LCP2: variants seen among roughly 807,000 people sequenced by gnomAD.
The protein encoded by LCP2 is lymphocyte cytosolic protein 2, also known as 76 kDa tyrosine phosphoprotein.
A neutral mutation model predicts 74.5 loss-of-function variants in LCP2; 29 were observed. The ratio of observed to expected loss-of-function variants is 0.39; its 90% CI spans 0.29 to 0.53. The LOEUF (loss-of-function observed/expected upper bound fraction) is 0.53. LCP2 is among the 20% of genes least tolerant of loss of function. The probability of loss-of-function intolerance (pLI) is 0.72; values close to 1 mark genes in which losing one functional copy is unlikely to be tolerated. For synonymous variants in LCP2, 228 were observed against 229.5 expected, an observed-to-expected ratio of 0.99 and a Z score of 0.06; for missense variants, 604 against 634.6, an observed-to-expected ratio of 0.95 and a Z score of 0.52.
In LCP2 at chr5:170,283,645, G is replaced by C. The variant is rs548818559; in HGVS notation, c.188+4325C>G. On this transcript the variant is annotated intron_variant, in intron 3 of 20. Coordinates refer to ENST00000046794, the MANE Select transcript of LCP2 (RefSeq NM_005565.5). ...ATGCTCACTTCACTAACACTCTCTG[G>C]CTCCTGAGAATGGCTCACGGGACCT... is the stretch of plus-strand genomic sequence containing the variant. 1.1e-4 allele frequency among the ~76,000 whole-genome samples: 17 copies of C among 152,188 alleles called. No individual in the cohort carries two copies. In the South Asian group the frequency reaches 3.3e-3, roughly 30 times the overall value.
Position 170,250,901 on chromosome 5 carries a change from C to G in LCP2, c.1324-16G>C. The G allele has an allele frequency of 6.2e-7, 1 of 1,610,870 alleles. No individual in the cohort carries two copies. Among genetic ancestry groups the G allele is most frequent in the Middle Eastern group, 1.7e-4 (1 of 6,002 alleles). Reference sequence around the variant, plus strand: ...ATGTGCCATCCTAAAAAGACAAATTCCTGTTATTATGGGAGCAGTAAAAGT... The same window carrying G: ...ATGTGCCATCCTAAAAAGACAAATTGCTGTTATTATGGGAGCAGTAAAAGT... On this transcript the variant is annotated splice_polypyrimidine_tract_variant and intron_variant, in intron 19 of 20. Transcript: ENST00000046794.
intron 17 of LCP2, among the ~76,000 whole-genome samples, chr5:170,255,267 C>A (rs746414234): frequency 2.0e-5 from 3 of 152,160 alleles, no homozygotes; most frequent in Non-Finnish European, 1.5e-5. Context: ...GTGCCACTGG[C>A]GTCAGCAGTG....
rs1761556311 is a variant in LCP2 at position 170,256,602 on chromosome 5, T to G, written c.1101-27A>C. ...TGAGGAGACAGAAAAAGAACAAAAT[T>G]TATTTGGATTGGGGTGATGGGGCCA... On this transcript the variant is annotated intron_variant, in intron 16 of 20. Coordinates refer to ENST00000046794, the MANE Select transcript of LCP2 (RefSeq NM_005565.5). The surrounding 1 kb of genome is among the most constrained non-coding windows in gnomAD (Gnocchi z 4.5). 6.4e-7 allele frequency: 1 copy of G among 1,570,036 alleles called. No individual in the cohort carries two copies. The highest frequency in any genetic ancestry group is 1.7e-5 in the Admixed American group (1 of 59,882).
rs1761913313 is a variant in LCP2, at chr5:170,272,592, A to ATTTTC, written c.325-1680_325-1676dup. 1.2e-4 allele frequency among the ~76,000 whole-genome samples: 4 copies of ATTTTC among 34,332 alleles called. 1 individual carries two copies. The highest frequency in any genetic ancestry group is 1.9e-3 in the South Asian group (2 of 1,062). 22.5% of individuals were successfully genotyped at this position (34,332 alleles called of 152,430 possible). A position where few individuals can be genotyped will look rare whatever the true frequency, so the allele number is the denominator to read the frequency against. On this transcript the variant is annotated intron_variant, in intron 6 of 20. Transcript: ENST00000046794. ...CGGTTATAACTGTAACCCATCAAAT[A>ATTTTC]TTTTCTTTTTTTTTTTTTTTTTTTT...
At chr5:170,285,697 G>A (rs1377677021) in intron 3 of LCP2, among the ~76,000 whole-genome samples, 1 of 152,198 alleles carries the variant, frequency 6.6e-6, no homozygotes, top group East Asian at 1.9e-4. Context: ...TTCCAGCCCT[G>A]TGAGTGGCTA....
intron 6 of LCP2, among the ~76,000 whole-genome samples, chr5:170,271,596 GCTT>G (rs916907776): frequency 6.6e-6 from 1 of 151,904 alleles, no homozygotes; most frequent in African/African-American, 2.4e-5. Context: ...TTTTATTTTT[GCTT>G]CTTCTTGGAT....
chr5:170,267,362 G>A, intron 8 of LCP2: 2 of 501,940 alleles, frequency 4.0e-6, no homozygotes, highest in South Asian at 4.6e-5. Context: ...TGTCCTGCGA[G>A]GCCCTGCCTG....
intron 3 of LCP2, among the ~76,000 whole-genome samples, chr5:170,284,195 T>C (rs1002547197): frequency 3.3e-5 from 5 of 152,210 alleles, no homozygotes; most frequent in Non-Finnish European, 7.3e-5. Context: ...GCCACGTACA[T>C]ACACAGACCT....
At chr5:170,291,144 AAGGGGAGAGGGGAGGACAAG>A (rs1288388373) in intron 2 of LCP2, among the ~76,000 whole-genome samples, 2 of 146,368 alleles carry the variant, frequency 1.4e-5, no homozygotes, top group African/African-American at 5.1e-5. Context: ...AGGACAAGGG[AAGGGGAGAGGGGAGGACAAG>A]GGAAGGGAGG....
rs1761817810 is a variant in LCP2 at position 170,268,606 on chromosome 5, G to GA, written c.524-125_524-124insT. 3.8e-5 allele frequency: 6 copies of GA among 157,978 alleles called. No individual in the cohort carries two copies. The South Asian group carries it at 6.1e-4, about 16-fold the overall frequency. The allele number at this position is 157,978 out of a possible 1,614,324, so 9.8% of individuals were successfully genotyped here. On this transcript the variant is annotated intron_variant, in intron 7 of 20. Transcript: ENST00000046794. ...ATCCTTGACCCCCAGGCCCACATGA[G>GA]CCCCAGCCACGGGGAGACCCAGCCT...
intron 6 of LCP2, among the ~76,000 whole-genome samples, chr5:170,271,281 C>G (rs1326764649): frequency 6.6e-6 from 1 of 152,170 alleles, no homozygotes; most frequent in African/African-American, 2.4e-5. Flanking sequence ...AGACTAAAGG[C>G]CTGGAGCATT....
At chr5:170,269,340 C>T (rs140179367) in intron 7 of LCP2, among the ~76,000 whole-genome samples, 10 of 152,334 alleles carry the variant, frequency 6.6e-5, no homozygotes, top group Middle Eastern at 3.4e-3. Flanking sequence ...GGCCTCCTTA[C>T]GCTTTGTGCC....
chr5:170,271,731 A>T (rs1451564972), intron 6 of LCP2, among the ~76,000 whole-genome samples: 2 of 152,168 alleles, frequency 1.3e-5, no homozygotes, highest in East Asian at 3.9e-4. Flanking sequence ...ATGAGCGCTC[A>T]TCATGGTCAT....
chr5:170,268,721 A>T (rs978291095), intron 7 of LCP2, among the ~76,000 whole-genome samples: 1 of 151,770 alleles, frequency 6.6e-6, no homozygotes, highest in African/African-American at 2.4e-5. Context: ...TGCATTTCAC[A>T]GGAATAGGTA....
intron 7 of LCP2, among the ~76,000 whole-genome samples, chr5:170,270,004 G>A (rs1407429440): frequency 6.6e-6 from 1 of 152,158 alleles, no homozygotes; most frequent in Non-Finnish European, 1.5e-5. Context: ...GTTTTTTGTG[G>A]TACTGACCTT....
At position 170,262,656 on chromosome 5, in the gene LCP2, C is replaced by T. The variant is rs762862977; in HGVS notation, c.905G>A (p.Gly302Glu). 1 of 1,613,720 alleles carries T rather than the reference C, an allele frequency of 6.2e-7. No homozygotes were observed. The change falls in exon 13 of 21, where the codon GGG (glycine) becomes GAG (glutamate). Residue 302 changes from glycine (G) to glutamate (E), a missense_variant. Physicochemically the swap from Gly to Glu is moderately conservative, Grantham distance 98 (BLOSUM62 -2). Coordinates refer to ENST00000046794, the MANE Select transcript of LCP2 (RefSeq NM_005565.5). ...ERHERSSPLP[G>E]KKPPVPKHGW... ...TTACTTTGGCACAGGTGGCTTCTTC[C>T]CTGGCAGGGGGCTGCTCCTTTCATG...
At chr5:170,274,580 G>A (rs1761973367) in intron 5 of LCP2, among the ~76,000 whole-genome samples, 1 of 152,172 alleles carries the variant, frequency 6.6e-6, no homozygotes, top group African/African-American at 2.4e-5. Context: ...GTGTGTAACA[G>A]TGACTTAGGA....
intron 3 of LCP2, among the ~76,000 whole-genome samples, chr5:170,282,151 C>T (rs955873983): frequency 6.6e-6 from 1 of 152,150 alleles, no homozygotes; most frequent in Non-Finnish European, 1.5e-5. Flanking sequence ...AGAGAGCCTT[C>T]CTTACCACAA....
At chr5:170,275,921 G>C (rs1761999379) in intron 3 of LCP2, 61 bp from the exon 4 acceptor site, 2 of 1,406,492 alleles carry the variant, frequency 1.4e-6, no homozygotes, top group Admixed American at 3.9e-5. Flanking sequence ...CCTTCCCCCT[G>C]ACCCTTGATA....
Sources: allele counts gnomAD v4.1 joint callset (sites outside exome capture counted in the v4.1 genomes callset), GRCh38; gene constraint gnomAD v4.1.1; non-coding constraint Gnocchi (gnomAD v3.1); transcripts MANE v1.5; gene names NCBI Gene and HGNC (gene_info 2026-07-23, HGNC 2026-07-21).